Variants in RBMS1 observed in about 807,000 individuals in gnomAD.
RBMS1 encodes RNA binding motif single stranded interacting protein 1.
In RBMS1, 17 loss-of-function variants were observed where a neutral mutation model predicts 62.3. The observed-to-expected ratio is 0.27, with a 90% CI of 0.19 to 0.41. The LOEUF (loss-of-function observed/expected upper bound fraction) is 0.41, where lower values mean the gene tolerates loss of function less well. RBMS1 is among the 10% of genes least tolerant of loss of function. The pLI, the probability that RBMS1 is intolerant of heterozygous loss-of-function variation, is 1.00. For synonymous variants in RBMS1, 172 were observed against 170.0 expected (o/e 1.01, Z -0.09); for missense variants, 334 against 504.5 (o/e 0.66, Z 3.24).
At chr2:160,321,250 T>A (rs1438107818) in intron 2 of RBMS1, among the ~76,000 whole-genome samples, 1 of 152,190 alleles carries the variant, frequency 6.6e-6, no homozygotes, top group Non-Finnish European at 1.5e-5. Context: ...GAGTCCGCTC[T>A]GCCAGTGCAC....
chr2:160,450,044 C>T (rs1482512926), intron 1 of RBMS1, among the ~76,000 whole-genome samples: 1 of 152,134 alleles, frequency 6.6e-6, no homozygotes, highest in African/African-American at 2.4e-5. Context: ...TCCTTTCTCA[C>T]CCCCTCCACT....
At chr2:160,322,923 T>C (rs1186230419) in intron 2 of RBMS1, among the ~76,000 whole-genome samples, 2 of 152,104 alleles carry the variant, frequency 1.3e-5, no homozygotes, top group Non-Finnish European at 2.9e-5. Context: ...GGAGGAGCCA[T>C]ATATCAAATG....
intron 1 of RBMS1, among the ~76,000 whole-genome samples, chr2:160,457,331 T>A (rs1684281209): frequency 6.6e-6 from 1 of 152,120 alleles, no homozygotes; most frequent in Non-Finnish European, 1.5e-5. Context: ...GGTTTCTCCA[T>A]GTTGGTCAGG....
intron 3 of RBMS1, among the ~76,000 whole-genome samples, chr2:160,316,528 C>T (rs1332121452): frequency 2.8e-5 from 4 of 144,980 alleles, no homozygotes; most frequent in African/African-American, 9.7e-5. Flanking sequence ...ATTGTGACAA[C>T]ATGTTAGATT....
intron 2 of RBMS1, 78 bp from the exon 3 acceptor site, chr2:160,318,305 T>C: frequency 4.2e-6 from 6 of 1,435,770 alleles, no homozygotes; most frequent in Non-Finnish European, 5.5e-6. Flanking sequence ...TATTAATGCC[T>C]AAATCCAAAG....
chr2:160,419,106 T>TA (rs1324668836), intron 1 of RBMS1, among the ~76,000 whole-genome samples: 1 of 152,200 alleles, frequency 6.6e-6, no homozygotes, highest in Non-Finnish European at 1.5e-5. Flanking sequence ...AATTCAGTGA[T>TA]AAATTTTACA....
intron 1 of RBMS1, among the ~76,000 whole-genome samples, chr2:160,370,363 A>AG (rs1693656901): frequency 6.6e-6 from 1 of 152,184 alleles, no homozygotes; most frequent in African/African-American, 2.4e-5. Flanking sequence ...GGCCGGGCGC[A>AG]GTGGCTCACG....
chr2:160,307,122 C>G (rs997070587), intron 4 of RBMS1, among the ~76,000 whole-genome samples: 1 of 152,048 alleles, frequency 6.6e-6, no homozygotes, highest in African/African-American at 2.4e-5. Flanking sequence ...GCGTAAAGCA[C>G]TCAGTCATCA....
intron 1 of RBMS1, among the ~76,000 whole-genome samples, chr2:160,419,406 G>A (rs373302998): frequency 4.6e-5 from 7 of 152,102 alleles, no homozygotes; most frequent in Admixed American, 6.5e-5. Flanking sequence ...TTTTAAAGTA[G>A]GTGTATAAAC....
At chr2:160,290,967 C>T (rs185271807) in intron 6 of RBMS1, among the ~76,000 whole-genome samples, 1 of 150,496 alleles carries the variant, frequency 6.6e-6, no homozygotes, top group East Asian at 2.1e-4. Context: ...ATTTTCCTTA[C>T]CGATCTTCTG....
At chr2:160,330,536 T>C (rs1054695277) in intron 2 of RBMS1, among the ~76,000 whole-genome samples, 18 of 151,874 alleles carry the variant, frequency 1.2e-4, no homozygotes, top group Non-Finnish European at 2.4e-4. Context: ...TAGGGAAAAA[T>C]AGGTCTTATA....
intron 1 of RBMS1, among the ~76,000 whole-genome samples, chr2:160,373,148 A>C (rs12620861): frequency 0.36 from 54,487 of 151,844 alleles, 10,058 homozygotes; most frequent in East Asian, 0.53. Flanking sequence ...GGCTGGATTA[A>C]GCCTGTCAAA....
chr2:160,433,991 C>A (rs1239333598), intron 1 of RBMS1, among the ~76,000 whole-genome samples: 2 of 152,174 alleles, frequency 1.3e-5, no homozygotes, highest in Non-Finnish European at 2.9e-5. Flanking sequence ...TTTAATCTCA[C>A]ATTTTTATGA....
rs777859788 is a variant in RBMS1, at chr2:160,303,369, C to T, written c.521G>A (p.Arg174His). 6.2e-6 allele frequency: 10 copies of T among 1,613,062 alleles called. No individual in the cohort carries two copies. The highest frequency in any genetic ancestry group is 4.0e-5 in the African/African-American group (3 of 74,840). Reference sequence around the variant, plus strand: ...ACCACGACTTGTACCACTGGAATCACGTAGTATCCTTGTAGAAATAACTTG... The same window carrying T: ...ACCACGACTTGTACCACTGGAATCATGTAGTATCCTTGTAGAAATAACTTG... ...FGQVISTRIL[R>H]DSSGTSRGVG... Residue 174 changes from arginine to histidine, a missense_variant, in exon 5 of 14, where the codon CGT becomes CAT. This residue lies in a region of RBMS1 where 150 missense variants were observed against 228.0 expected (regional missense o/e 0.66). Transcript: ENST00000348849.
chr2:160,434,911 G>A (rs1683052038), intron 1 of RBMS1, among the ~76,000 whole-genome samples: 1 of 152,114 alleles, frequency 6.6e-6, no homozygotes, highest in Admixed American at 6.5e-5. Context: ...TTGACTTCCT[G>A]GTCAAAGATG....
At chr2:160,296,610 ACT>A (rs1219066552) in intron 6 of RBMS1, among the ~76,000 whole-genome samples, 3 of 152,206 alleles carry the variant, frequency 2.0e-5, no homozygotes, top group African/African-American at 7.2e-5. Flanking sequence ...AATGAATCTA[ACT>A]TCAAAACACC....
intron 2 of RBMS1, among the ~76,000 whole-genome samples, chr2:160,331,410 T>C (rs1281382283): frequency 1.3e-5 from 2 of 152,210 alleles, no homozygotes; most frequent in Non-Finnish European, 2.9e-5. Flanking sequence ...GTCTCTGCAC[T>C]CTGCCCATGG....
chr2:160,320,260 G>A (rs1438050433), intron 2 of RBMS1, among the ~76,000 whole-genome samples: 2 of 152,196 alleles, frequency 1.3e-5, no homozygotes, highest in Admixed American at 6.5e-5. Flanking sequence ...TTGAGCCCTA[G>A]AGTTCGAGAC....
chr2:160,355,113 C>T (rs752777926), intron 2 of RBMS1, among the ~76,000 whole-genome samples: 24 of 152,072 alleles, frequency 1.6e-4, no homozygotes, highest in Non-Finnish European at 2.8e-4. Flanking sequence ...AATTTATACA[C>T]CTAAAACAAA....
Sources: gnomAD v4.1 joint callset for allele counts (sites outside exome capture counted in the v4.1 genomes callset) on GRCh38, gnomAD v4.1.1 for gene constraint, gnomAD v4.1.1 regional missense constraint, MANE v1.5 for transcripts, NCBI Gene and HGNC (gene_info 2026-07-23, HGNC 2026-07-21) for gene names.